The following CDH9 variants were observed in gnomAD, a reference collection of about 807,000 sequenced individuals.
CDH9 encodes the protein cadherin-9.
A neutral mutation model predicts 70.9 loss-of-function variants in CDH9; 28 were observed. The ratio of observed to expected loss-of-function variants is 0.40; its 90% CI spans 0.29 to 0.54. CDH9 has a LOEUF of 0.54. Ranked by LOEUF, CDH9 falls within the 20% of genes least tolerant of loss-of-function variation. The pLI, the probability that CDH9 is intolerant of heterozygous loss-of-function variation, is 0.59. For missense variants in CDH9, 874 were observed against 984.4 expected (o/e 0.89, Z 1.50); for synonymous variants, 409 against 343.1 (o/e 1.19, Z -2.12).
chr5:27,031,304 CT>C (rs747085510), intron 1 of CDH9, among the ~76,000 whole-genome samples: 45 of 151,888 alleles, frequency 3.0e-4, no homozygotes, highest in Middle Eastern at 3.5e-3. Flanking sequence ...TTCAAGATAT[CT>C]TTTCAAATTC....
chr5:26,890,071 G>A (rs1029552610), intron 8 of CDH9, 114 bp from the exon 9 acceptor site: 25 of 915,060 alleles, frequency 2.7e-5, no homozygotes, highest in Non-Finnish European at 4.0e-5. Context: ...TTTCTCAATT[G>A]GGCTGCTGAT....
At chr5:27,006,432 G>A (rs1352319570) in intron 1 of CDH9, among the ~76,000 whole-genome samples, 3 of 152,078 alleles carry the variant, frequency 2.0e-5, no homozygotes, top group Non-Finnish European at 4.4e-5. Context: ...AGGGTAGGAG[G>A]AGAGGAGTTC....
At chr5:26,898,054 G>A (rs1740783876) in intron 7 of CDH9, among the ~76,000 whole-genome samples, 1 of 152,182 alleles carries the variant, frequency 6.6e-6, no homozygotes, top group Admixed American at 6.5e-5. Flanking sequence ...GCCAAATCAT[G>A]AGTGAACTCC....
chr5:27,007,001 A>T (rs1043060647), intron 1 of CDH9, among the ~76,000 whole-genome samples: 2 of 152,116 alleles, frequency 1.3e-5, no homozygotes, highest in Non-Finnish European at 2.9e-5. Context: ...ATAATATTTA[A>T]TCTACTGAGA....
chr5:26,923,173 C>T (rs1399664656), intron 2 of CDH9, among the ~76,000 whole-genome samples: 1 of 148,544 alleles, frequency 6.7e-6, no homozygotes, highest in Non-Finnish European at 1.5e-5. Context: ...GGAAACACTA[C>T]ATCTATGAAG....
Position 26,881,091 on chromosome 5 carries a change from CAT to C in CDH9, c.*43_*44del. The C allele has an allele frequency of 6.6e-7, 1 of 1,521,728 alleles. No homozygotes were observed. The highest frequency in any genetic ancestry group is 2.0e-5 in the Admixed American group (1 of 49,498). The allele number at this position is 1,521,728 out of a possible 1,614,324, so 94.3% of individuals were successfully genotyped here. A position where few individuals can be genotyped will look rare whatever the true frequency, so the allele number is the denominator to read the frequency against. On this transcript the variant is annotated 3_prime_UTR_variant, in exon 12 of 12. Transcript: ENST00000231021. The stretch of plus-strand genomic sequence containing the variant: ...GAATGCAGGCCACTCAATCTAATAA[CAT>C]AGACAGTACTTCCACTAATATTGAT...
At chr5:26,890,639 T>A (rs759556480) in intron 7 of CDH9, 75 bp from the exon 8 acceptor site, 4 of 1,008,544 alleles carry the variant, frequency 4.0e-6, no homozygotes, top group Non-Finnish European at 6.1e-6. Flanking sequence ...AAGCTATAGG[T>A]AATTTCCACA....
intron 2 of CDH9, among the ~76,000 whole-genome samples, chr5:26,971,588 T>C (rs1742219004): frequency 6.6e-6 from 1 of 152,196 alleles, no homozygotes; most frequent in East Asian, 1.9e-4. Context: ...TAGGATTTGC[T>C]TTAGGATATT....
At chr5:26,923,462 A>G (rs1197107385) in intron 2 of CDH9, among the ~76,000 whole-genome samples, 1 of 152,056 alleles carries the variant, frequency 6.6e-6, no homozygotes, top group Non-Finnish European at 1.5e-5. Context: ...ACAGATCTTA[A>G]TACAATAATA....
chr5:26,965,166 C>T (rs1742107961), intron 2 of CDH9, among the ~76,000 whole-genome samples: 1 of 152,028 alleles, frequency 6.6e-6, no homozygotes, highest in Non-Finnish European at 1.5e-5. Context: ...CTTAATAGAA[C>T]AATTAAGTTA....
At chr5:26,982,674 T>G (rs1212483067) in intron 2 of CDH9, among the ~76,000 whole-genome samples, 1 of 151,634 alleles carries the variant, frequency 6.6e-6, no homozygotes, top group African/African-American at 2.4e-5. Context: ...TATGAATAAG[T>G]TTTTTTTGTT....
rs540264351 is a variant in CDH9, at chr5:26,971,834, C to A, written c.228+16272G>T. Among the ~76,000 whole-genome samples the A allele has an allele frequency of 5.3e-5, 8 of 151,994 alleles. No individual in the cohort carries two copies. The South Asian group carries it at 1.7e-3, about 32-fold the overall frequency. On this transcript the variant is annotated intron_variant, in intron 2 of 11. Transcript: ENST00000231021. ...CACTATAAAATGTATAATAACAGAA[C>A]ACAGAGACAACAACCACTGACCGGC...
chr5:26,962,261 G>A (rs1344275753), intron 2 of CDH9, among the ~76,000 whole-genome samples: 1 of 152,028 alleles, frequency 6.6e-6, no homozygotes, highest in East Asian at 1.9e-4. Flanking sequence ...CTTTGCTGTT[G>A]TGAACAGTGC....
intron 1 of CDH9, among the ~76,000 whole-genome samples, chr5:27,036,381 T>G (rs1489171811): frequency 6.6e-6 from 1 of 151,842 alleles, no homozygotes; most frequent in East Asian, 1.9e-4. Context: ...ACACAACATT[T>G]AAAAGAATAA....
intron 2 of CDH9, among the ~76,000 whole-genome samples, chr5:26,948,844 G>A (rs921454722): frequency 2.6e-5 from 4 of 152,176 alleles, no homozygotes; most frequent in African/African-American, 9.6e-5. Flanking sequence ...CACGACCTAA[G>A]TTTGAGAATG....
At chr5:26,935,323 A>G (rs1741540593) in intron 2 of CDH9, among the ~76,000 whole-genome samples, 1 of 152,192 alleles carries the variant, frequency 6.6e-6, no homozygotes, top group Non-Finnish European at 1.5e-5. Flanking sequence ...TAACATGAGA[A>G]ACAAGGCAAG....
intron 2 of CDH9, among the ~76,000 whole-genome samples, chr5:26,982,069 C>T (rs983127967): frequency 6.6e-6 from 1 of 152,026 alleles, no homozygotes; most frequent in African/African-American, 2.4e-5. Context: ...TCTCGTCCTT[C>T]CTGATGAGTA....
intron 1 of CDH9, among the ~76,000 whole-genome samples, chr5:27,029,513 A>T (rs1743275438): frequency 6.6e-6 from 1 of 152,040 alleles, no homozygotes; most frequent in Admixed American, 6.6e-5. Context: ...ACAAGAAAAG[A>T]ATCTCTATGT....
At chr5:26,946,220 A>G (rs1741749529) in intron 2 of CDH9, among the ~76,000 whole-genome samples, 1 of 152,178 alleles carries the variant, frequency 6.6e-6, no homozygotes, top group Admixed American at 6.5e-5. Flanking sequence ...CCTAGAGGGA[A>G]TTCTCAATGC....
Sources: gnomAD v4.1 joint callset for allele counts (sites outside exome capture counted in the v4.1 genomes callset) on GRCh38, gnomAD v4.1.1 for gene constraint, MANE v1.5 for transcripts, NCBI Gene and HGNC (gene_info 2026-07-23, HGNC 2026-07-21) for gene names.